Variants in WFIKKN2 observed in about 807,000 individuals in gnomAD.
The protein encoded by WFIKKN2 is WAP, Kazal, immunoglobulin, Kunitz and NTR domain-containing protein 2.
WFIKKN2 carries 25 observed loss-of-function variants against 39.2 expected under a neutral mutation model. The ratio of observed to expected loss-of-function variants is 0.64; its 90% confidence interval spans 0.47 to 0.89. The LOEUF (loss-of-function observed/expected upper bound fraction) is 0.89. Ranked by LOEUF, WFIKKN2 falls within the 40% of genes least tolerant of loss-of-function variation. WFIKKN2 has a pLI of 0.00. For missense variants in WFIKKN2, 770 were observed against 811.7 expected, an observed-to-expected ratio of 0.95 and a Z score of 0.62; for synonymous variants, 345 against 329.7, an observed-to-expected ratio of 1.05 and a Z score of -0.50.
At chr17:50,836,213 C>T (rs552734381) in intron 1 of WFIKKN2, 66 bp downstream of exon 1, 130 of 1,551,972 alleles carry the variant, frequency 8.4e-5, no homozygotes, top group African/African-American at 3.0e-4. Context: ...TGGGAGCCGT[C>T]GGGGAGGGAC....
chr17:50,840,428 C>A lies in WFIKKN2; in HGVS notation c.1140C>A (p.Ser380Arg). ...AGGCCTGCATGCTGGCCTGCATGAG[C>A]GGGCCGCTGGCCGCGTGCAGCCTGC... Reference protein sequence around the residue: ...TYEACMLACMSGPLAACSLPA... With the variant: ...TYEACMLACMRGPLAACSLPA... Residue 380 changes from serine (S) to arginine (R), a missense_variant, in exon 2 of 2, where the codon AGC becomes AGA. Transcript: ENST00000311378. The A allele has an allele frequency of 1.2e-6, 2 of 1,613,942 alleles. No homozygotes were observed. The highest frequency in any genetic ancestry group is 1.7e-6 in the Non-Finnish European group (2 of 1,179,954).
At chr17:50,839,050 G>C (rs7225933) in intron 1 of WFIKKN2, among the ~76,000 whole-genome samples, 1 of 152,024 alleles carries the variant, frequency 6.6e-6, no homozygotes, top group Non-Finnish European at 1.5e-5. Context: ...CTTCCACTGG[G>C]AGCTTGGAGC....
At position 50,840,424 on chromosome 17, in the gene WFIKKN2, T is replaced by C; in HGVS notation, c.1136T>C (p.Met379Thr). 1 of 1,613,966 alleles carries C rather than the reference T, an allele frequency of 6.2e-7. No individual in the cohort carries two copies. The highest frequency in any genetic ancestry group is 8.5e-7 in the Non-Finnish European group (1 of 1,179,956). The change falls in exon 2 of 2, where the codon ATG (methionine) becomes ACG (threonine). Residue 379 changes from methionine to threonine, a missense_variant. Transcript: ENST00000311378. The stretch of plus-strand genomic sequence containing the variant: ...TATGAGGCCTGCATGCTGGCCTGCA[T>C]GAGCGGGCCGCTGGCCGCGTGCAGC... Reference protein sequence around the residue: ...ETYEACMLACMSGPLAACSLP... With the variant: ...ETYEACMLACTSGPLAACSLP...
In WFIKKN2 at chr17:50,835,650, C is replaced by T. The variant is rs1400005355; in HGVS notation, c.-288C>T. ...GCTGGCTCCCACTCGGGTGGCGCGC[C>T]CAGGATATAAATCCGGGCGCGGGCC... is the stretch of plus-strand genomic sequence containing the variant. On this transcript the variant is annotated 5_prime_UTR_variant, in exon 1 of 2. Coordinates refer to ENST00000311378, the MANE Select transcript of WFIKKN2 (RefSeq NM_175575.6). 4.6e-6 allele frequency: 2 copies of T among 439,492 alleles called. No individual in the cohort carries two copies. Among genetic ancestry groups the T allele is most frequent in the Non-Finnish European group, 8.0e-6 (2 of 248,974 alleles). The allele number at this position is 439,492 out of a possible 1,614,324, so 27.2% of individuals were successfully genotyped here. A position where few individuals can be genotyped will look rare whatever the true frequency, so the allele number is the denominator to read the frequency against.
chr17:50,835,753 C>T lies in WFIKKN2; in HGVS notation c.-185C>T, dbSNP rs1375677027. Reference sequence around the variant, plus strand: ...GACCTTTCTTTTATCTGAAGCCGCACAGCCCGGCAGGCTGTGCTGACTTGG... The same window carrying T: ...GACCTTTCTTTTATCTGAAGCCGCATAGCCCGGCAGGCTGTGCTGACTTGG... On this transcript the variant is annotated 5_prime_UTR_variant, in exon 1 of 2. Coordinates refer to ENST00000311378, the MANE Select transcript of WFIKKN2 (RefSeq NM_175575.6). 3.2e-6 allele frequency: 2 copies of T among 629,438 alleles called. No homozygotes were observed. The highest frequency in any genetic ancestry group is 5.4e-6 in the Non-Finnish European group (2 of 369,606). The allele number at this position is 629,438 out of a possible 1,614,324, so 39.0% of individuals were successfully genotyped here.
chr17:50,838,205 C>T (rs1597980684), intron 1 of WFIKKN2, among the ~76,000 whole-genome samples: 1 of 152,288 alleles, frequency 6.6e-6, no homozygotes, highest in South Asian at 2.1e-4. Flanking sequence ...AGCTGCCCAT[C>T]CCTGTCCCAA....
chr17:50,837,959 T>TG (rs1377741174), intron 1 of WFIKKN2, among the ~76,000 whole-genome samples: 2 of 152,204 alleles, frequency 1.3e-5, no homozygotes, highest in African/African-American at 2.4e-5. Flanking sequence ...AGACAGCCCT[T>TG]GGGGACATTC....
chr17:50,841,882 G>A lies in WFIKKN2; in HGVS notation c.*863G>A, dbSNP rs956854095. 1 of 152,148 alleles carries A rather than the reference G, an allele frequency of 6.6e-6. No individual in the cohort carries two copies. Among genetic ancestry groups the A allele is most frequent in the Non-Finnish European group, 1.5e-5 (1 of 68,068 alleles). 9.4% of individuals were successfully genotyped at this position (152,148 alleles called of 1,614,324 possible). A position where few individuals can be genotyped will look rare whatever the true frequency, so the allele number is the denominator to read the frequency against. On this transcript the variant is annotated 3_prime_UTR_variant, in exon 2 of 2. Transcript: ENST00000311378. ...TCTGATGGATGGTGTGCTTTCATAT[G>A]CCACTGGCTTCCTTGGACATAGATC...
intron 1 of WFIKKN2, among the ~76,000 whole-genome samples, chr17:50,837,848 C>T (rs1192570044): frequency 6.6e-6 from 1 of 152,238 alleles, no homozygotes; most frequent in African/African-American, 2.4e-5. Context: ...CATTTGCAGG[C>T]ACAGGCTGGC....
rs990675643 is a variant in WFIKKN2, at chr17:50,840,322, A to G, written c.1034A>G (p.His345Arg). The change falls in exon 2 of 2, where the codon CAC becomes CGC. Residue 345 changes from histidine to arginine, a missense_variant. Physicochemically the swap from His to Arg is conservative, Grantham distance 29. Transcript: ENST00000311378. ...EDCGEEQTRWHFDAQANNCLT... is the reference protein window; with the variant it reads ...EDCGEEQTRWRFDAQANNCLT... ...TGTGGCGAAGAGCAGACCCGCTGGC[A>G]CTTCGATGCCCAGGCCAACAACTGC... is the stretch of plus-strand genomic sequence containing the variant. 15 of 1,613,994 alleles carry G rather than the reference A, an allele frequency of 9.3e-6. No individual in the cohort carries two copies. Among genetic ancestry groups the G allele is most frequent in the Non-Finnish European group, 7.6e-6 (9 of 1,180,036 alleles).
At chr17:50,838,530 T>C (rs1362683469) in intron 1 of WFIKKN2, among the ~76,000 whole-genome samples, 3 of 152,222 alleles carry the variant, frequency 2.0e-5, no homozygotes, top group Non-Finnish European at 4.4e-5. Context: ...GAAATCCTTG[T>C]TTGTGTCAGC....
Position 50,836,029 on chromosome 17 carries a change from G to A in WFIKKN2, c.92G>A (p.Arg31Gln), listed in dbSNP as rs55700534. Residue 31 changes from arginine to glutamine, a missense_variant, in exon 1 of 2, where the codon CGA becomes CAA. Arg to Gln is a conservative substitution (Grantham distance 43, BLOSUM62 1). Transcript: ENST00000311378. ...CTGCTACTGCTCGGGGTGCCCCCGC[G>A]AAGCCTGGCGCTGCCGCCCATCCGC... ...LLLLLLGVPP[R>Q]SLALPPIRYS... is the part of the protein sequence containing the mutation. 0.01 allele frequency: 16,399 copies of A among 1,601,110 alleles called. 114 individuals carry two copies. The highest frequency in any genetic ancestry group is 0.013 in the Non-Finnish European group (14,890 of 1,174,324).
chr17:50,841,023 C>T lies in WFIKKN2; in HGVS notation c.*4C>T. ...GGAGTTTCTTGGCTTGCACTGAAGC[C>T]CCCCACCCCTCCCTGCCCCCTCCCT... is the stretch of plus-strand genomic sequence containing the variant. On this transcript the variant is annotated 3_prime_UTR_variant, in exon 2 of 2. Coordinates refer to ENST00000311378, the MANE Select transcript of WFIKKN2 (RefSeq NM_175575.6). 1 of 1,522,810 alleles carries T rather than the reference C, an allele frequency of 6.6e-7. No homozygotes were observed. Among genetic ancestry groups the T allele is most frequent in the Non-Finnish European group, 8.8e-7 (1 of 1,135,358 alleles). The allele number at this position is 1,522,810 out of a possible 1,614,324, so 94.3% of individuals were successfully genotyped here.
At position 50,839,844 on chromosome 17, in the gene WFIKKN2, C is replaced by T. The variant is rs762355067; in HGVS notation, c.556C>T (p.Pro186Ser). ...RYHFTWPNTS[P>S]PPPETTMHPT... ...TCACTTCACCTGGCCCAACACCAGCCCCCCACCACCTGAGACCACCATGCA... is the reference window on the plus strand; with the variant it reads ...TCACTTCACCTGGCCCAACACCAGCTCCCCACCACCTGAGACCACCATGCA... The change falls in exon 2 of 2, where the codon CCC (proline) becomes TCC (serine). Residue 186 changes from proline (P) to serine (S), a missense_variant. Physicochemically the swap from Pro to Ser is moderately conservative, Grantham distance 74. Transcript: ENST00000311378. 6.2e-6 allele frequency: 10 copies of T among 1,614,196 alleles called. No individual in the cohort carries two copies. In the Admixed American group the frequency reaches 1.5e-4, roughly 24 times the overall value.
Position 50,841,193 on chromosome 17 carries a change from T to A in WFIKKN2, c.*174T>A. 1 of 595,700 alleles carries A rather than the reference T, an allele frequency of 1.7e-6. No homozygotes were observed. Among genetic ancestry groups the A allele is most frequent in the Middle Eastern group, 4.7e-4 (1 of 2,110 alleles). 36.9% of individuals were successfully genotyped at this position (595,700 alleles called of 1,614,324 possible). A position where few individuals can be genotyped will look rare whatever the true frequency, so the allele number is the denominator to read the frequency against. On this transcript the variant is annotated 3_prime_UTR_variant, in exon 2 of 2. Coordinates refer to ENST00000311378, the MANE Select transcript of WFIKKN2 (RefSeq NM_175575.6). ...CTCAGATCAGCATCTATTCTTTGGG[T>A]TCAATAAGGGGTTCATATCTTTTTT... is the stretch of plus-strand genomic sequence containing the variant.
Position 50,840,829 on chromosome 17 carries a change from C to T in WFIKKN2, c.1541C>T (p.Ala514Val). 6.2e-7 allele frequency: 1 copy of T among 1,613,758 alleles called. No homozygotes were observed. Among genetic ancestry groups the T allele is most frequent in the Non-Finnish European group, 8.5e-7 (1 of 1,179,788 alleles). Reference protein sequence around the residue: ...LEVTLLHVDWACPCPNVTVSE... With the variant: ...LEVTLLHVDWVCPCPNVTVSE... ...GTCACTCTGCTTCACGTGGACTGGG[C>T]ATGCCCCTGCCCCAACGTGACCGTG... The change falls in exon 2 of 2, where the codon GCA becomes GTA. Residue 514 changes from alanine (A) to valine (V), a missense_variant. Coordinates refer to ENST00000311378, the MANE Select transcript of WFIKKN2 (RefSeq NM_175575.6).
chr17:50,841,083 A>G lies in WFIKKN2; in HGVS notation c.*64A>G. On this transcript the variant is annotated 3_prime_UTR_variant, in exon 2 of 2. Coordinates refer to ENST00000311378, the MANE Select transcript of WFIKKN2 (RefSeq NM_175575.6). ...CCACCTATCCACCCCAATGCCTCTC[A>G]GCAAACTGGGCGAGGTCAGATTAGA... The G allele has an allele frequency of 6.9e-7, 1 of 1,441,776 alleles. No individual in the cohort carries two copies. Among genetic ancestry groups the G allele is most frequent in the South Asian group, 1.5e-5 (1 of 68,502 alleles). The allele number at this position is 1,441,776 out of a possible 1,614,324, so 89.3% of individuals were successfully genotyped here. A position where few individuals can be genotyped will look rare whatever the true frequency, so the allele number is the denominator to read the frequency against.
Position 50,840,760 on chromosome 17 carries a change from A to T in WFIKKN2, c.1472A>T (p.Asp491Val), listed in dbSNP as rs746481784. 1.2e-6 allele frequency: 2 copies of T among 1,614,066 alleles called. No homozygotes were observed. Among genetic ancestry groups the T allele is most frequent in the South Asian group, 1.1e-5 (1 of 91,074 alleles). Reference protein sequence around the residue: ...ALVTVDEVLKDEKMGLKFLGQ... With the variant: ...ALVTVDEVLKVEKMGLKFLGQ... The stretch of plus-strand genomic sequence containing the variant: ...GTGACTGTGGATGAGGTCCTAAAGG[A>T]TGAGAAAATGGGCCTCAAGTTCCTG... Residue 491 changes from aspartate to valine, a missense_variant, in exon 2 of 2, where the codon GAT becomes GTT. Transcript: ENST00000311378.
Position 50,835,829 on chromosome 17 carries a change from TGCTGGGGTGGGGA to T in WFIKKN2, c.-107_-95del. The T allele has an allele frequency of 7.9e-7, 1 of 1,262,186 alleles. No individual in the cohort carries two copies. The highest frequency in any genetic ancestry group is 2.5e-5 in the East Asian group (1 of 39,998). The allele number at this position is 1,262,186 out of a possible 1,614,324, so 78.2% of individuals were successfully genotyped here. A position where few individuals can be genotyped will look rare whatever the true frequency, so the allele number is the denominator to read the frequency against. On this transcript the variant is annotated 5_prime_UTR_variant, in exon 1 of 2. Coordinates refer to ENST00000311378, the MANE Select transcript of WFIKKN2 (RefSeq NM_175575.6). ...TGAGCAGCAGCCTGAGCAGGAAACC[TGCTGGGGTGGGGA>T]GGGCAGGTGTCTGCAGCCCCTGAGA...
Sources: allele counts gnomAD v4.1 joint callset (sites outside exome capture counted in the v4.1 genomes callset), GRCh38; gene constraint gnomAD v4.1.1; transcripts MANE v1.5; gene names NCBI Gene and HGNC (gene_info 2026-07-23, HGNC 2026-07-21).